PKD2: variants seen among roughly 807,000 people sequenced by gnomAD.
PKD2 encodes the protein polycystin-2.
A neutral mutation model predicts 105.9 loss-of-function variants in PKD2; 48 were observed. That is an observed-to-expected ratio of 0.45 (90% confidence interval 0.36 to 0.58). PKD2 has a LOEUF of 0.58. Among genes scored for constraint, PKD2 ranks in the 20% least tolerant of loss-of-function variants. PKD2 has a pLI of 0.00. For synonymous variants in PKD2, 464 were observed against 481.1 expected, an observed-to-expected ratio of 0.96 and a Z score of 0.46; for missense variants, 1,078 against 1,255.3, an observed-to-expected ratio of 0.86 and a Z score of 2.13.
chr4:88,066,965 C>T (rs1440755106), intron 12 of PKD2, among the ~76,000 whole-genome samples: 1 of 152,108 alleles, frequency 6.6e-6, no homozygotes, highest in Non-Finnish European at 1.5e-5. Context: ...GAAATTTAAG[C>T]ATAAAGAAAA....
intron 4 of PKD2, among the ~76,000 whole-genome samples, chr4:88,038,751 A>G (rs565467668): frequency 1.3e-5 from 2 of 152,310 alleles, no homozygotes; most frequent in South Asian, 2.1e-4. Flanking sequence ...ATAACCCCTC[A>G]AAAATTAATT....
intron 1 of PKD2, among the ~76,000 whole-genome samples, chr4:88,018,932 C>G (rs910024925): frequency 2.0e-5 from 3 of 152,080 alleles, no homozygotes; most frequent in African/African-American, 7.2e-5. Context: ...GTTTTTATGC[C>G]AGTAGGTTAG....
intron 8 of PKD2, 49 bp downstream of exon 8, chr4:88,056,316 G>A: frequency 1.8e-6 from 2 of 1,140,730 alleles, no homozygotes; most frequent in African/African-American, 1.5e-5. Context: ...AGTTGTCACT[G>A]CTTCTCAAGA....
chr4:88,052,672 A>C (rs914809615), intron 7 of PKD2, among the ~76,000 whole-genome samples: 6 of 152,092 alleles, frequency 3.9e-5, no homozygotes, highest in African/African-American at 7.2e-5. Context: ...ATCAGTCCCT[A>C]TAGGTTTTGT....
At chr4:88,021,929 C>T (rs1179536428) in intron 2 of PKD2, among the ~76,000 whole-genome samples, 1 of 152,224 alleles carries the variant, frequency 6.6e-6, no homozygotes, top group Non-Finnish European at 1.5e-5. Context: ...GAGTAACTCC[C>T]ATGATGGAAA....
At chr4:88,024,993 C>T (rs1726902605) in intron 2 of PKD2, among the ~76,000 whole-genome samples, 4 of 151,984 alleles carry the variant, frequency 2.6e-5, no homozygotes, top group Admixed American at 2.0e-4. Context: ...ACTAGCCAGG[C>T]GTGGTGGCAG....
chr4:88,043,429 G>A lies in PKD2; in HGVS notation c.1291G>A (p.Ala431Thr), dbSNP rs759189075. 3.7e-6 allele frequency: 6 copies of A among 1,613,068 alleles called. No individual in the cohort carries two copies. The highest frequency in any genetic ancestry group is 1.1e-5 in the South Asian group (1 of 91,074). The change falls in exon 5 of 15, where the codon GCC (alanine) becomes ACC (threonine). Residue 431 changes from alanine (A) to threonine (T), a missense_variant. Physicochemically the swap from Ala to Thr is moderately conservative, Grantham distance 58. This residue lies in a region of PKD2 where 868 missense variants were observed against 1,067.3 expected (regional missense o/e 0.81). Transcript: ENST00000237596. ...TTTTATTGACTTCTCAGTGTACAAC[G>A]CCAACATTAACCTGTTCTGTGTGGT... ...ATFIDFSVYN[A>T]NINLFCVVRL...
At chr4:88,071,140 C>T (rs1245478210) in intron 13 of PKD2, among the ~76,000 whole-genome samples, 4 of 152,000 alleles carry the variant, frequency 2.6e-5, no homozygotes, top group Non-Finnish European at 4.4e-5. Flanking sequence ...ACTGCAGCCT[C>T]GAACTCCTGA....
At chr4:88,068,959 C>A (rs1313720453) in intron 13 of PKD2, among the ~76,000 whole-genome samples, 1 of 152,096 alleles carries the variant, frequency 6.6e-6, no homozygotes, top group Admixed American at 6.6e-5. Context: ...AGTATATTTT[C>A]CTAATATATT....
At chr4:88,036,676 C>T (rs576223220) in intron 3 of PKD2, among the ~76,000 whole-genome samples, 4 of 152,258 alleles carry the variant, frequency 2.6e-5, no homozygotes, top group African/African-American at 9.6e-5. Context: ...TGTTTAAATG[C>T]GTATGGTCAC....
intron 10 of PKD2, among the ~76,000 whole-genome samples, chr4:88,063,745 A>G (rs1387203751): frequency 6.6e-6 from 1 of 152,116 alleles, no homozygotes; most frequent in African/African-American, 2.4e-5. Flanking sequence ...AACTTAAATG[A>G]GGAAAATAGC....
At chr4:88,070,492 A>G (rs567213215) in intron 13 of PKD2, among the ~76,000 whole-genome samples, 3 of 150,238 alleles carry the variant, frequency 2.0e-5, no homozygotes, top group South Asian at 4.2e-4. Context: ...ATGTATCTTC[A>G]AGTTCACTGA....
chr4:88,075,772 A>G lies in PKD2; in HGVS notation c.*78A>G. 1.0e-6 allele frequency: 1 copy of G among 956,100 alleles called. No individual in the cohort carries two copies. Among genetic ancestry groups the G allele is most frequent in the South Asian group, 1.3e-5 (1 of 77,682 alleles). 59.2% of individuals were successfully genotyped at this position (956,100 alleles called of 1,614,324 possible). On this transcript the variant is annotated 3_prime_UTR_variant, in exon 15 of 15. Transcript: ENST00000237596. ...AATTGCTGTAACAAGCACACTATTT[A>G]TATGCCCTGACCACCATAGGATGCT...
At position 88,065,472 on chromosome 4, in the gene PKD2, C is replaced by T. The variant is rs759921495; in HGVS notation, c.2217C>T (p.Asp739=). Residue 739 remains aspartate, a synonymous_variant, in exon 11 of 15, where the codon GAC becomes GAT. Transcript: ENST00000237596. ...LRQGGGKLNF[D]ELRQDLKGKG... is the part of the protein sequence containing the mutation. ...AAGGAGGAGGCAAGTTAAACTTTGA[C>T]GAACTTCGACAAGATCTCAAAGGGT... 1.3e-5 allele frequency: 21 copies of T among 1,613,558 alleles called. No homozygotes were observed. The highest frequency in any genetic ancestry group is 4.5e-5 in the East Asian group (2 of 44,864).
At position 88,074,823 on chromosome 4, in the gene PKD2, G is replaced by A. The variant is rs755031837; in HGVS notation, c.2534G>A (p.Arg845Gln). ...SYEEFQVLVR[R>Q]VDRMEHSIGS... ...TGTTTTCCTTGCAGCCTGGTGAGACGAGTGGACCGGATGGAGCATTCCATC... is the reference window on the plus strand; with the variant it reads ...TGTTTTCCTTGCAGCCTGGTGAGACAAGTGGACCGGATGGAGCATTCCATC... Residue 845 changes from arginine to glutamine, a missense_variant, in exon 14 of 15, where the codon CGA (arginine) becomes CAA (glutamine). Transcript: ENST00000237596. The A allele has an allele frequency of 8.1e-6, 13 of 1,613,924 alleles. No homozygotes were observed. Among genetic ancestry groups the A allele is most frequent in the South Asian group, 1.1e-5 (1 of 91,070 alleles).
chr4:88,070,601 T>TATAGAGAGAG lies in PKD2; in HGVS notation c.2522+2541_2522+2542insTAGAGAGAGA, dbSNP rs1313482750. Reference sequence around the variant, plus strand: ...ATATATATATATATATATATATATATAGAGAGAGAGAGAGAGAGAGAGAGA... The same window carrying TATAGAGAGAG: ...ATATATATATATATATATATATATATATAGAGAGAGAGAGAGAGAGAGAGAGAGAGAGAGA... On this transcript the variant is annotated intron_variant, in intron 13 of 14. Coordinates refer to ENST00000237596, the MANE Select transcript of PKD2 (RefSeq NM_000297.4). Among the ~76,000 whole-genome samples, 751 of 91,408 alleles carry TATAGAGAGAG rather than the reference T, an allele frequency of 8.2e-3. 5 individuals carry two copies. Among genetic ancestry groups the TATAGAGAGAG allele is most frequent in the Non-Finnish European group, 0.011 (534 of 47,726 alleles). 60.0% of individuals were successfully genotyped at this position (91,408 alleles called of 152,430 possible). A position where few individuals can be genotyped will look rare whatever the true frequency, so the allele number is the denominator to read the frequency against.
At chr4:88,054,260 G>A (rs1004133888) in intron 7 of PKD2, among the ~76,000 whole-genome samples, 42 of 152,008 alleles carry the variant, frequency 2.8e-4, no homozygotes, top group Admixed American at 2.4e-3. Flanking sequence ...AATTAGCTGG[G>A]TGTGGTGGCA....
intron 13 of PKD2, among the ~76,000 whole-genome samples, chr4:88,070,601 T>TAGAGAG (rs1223785807): frequency 0.021 from 1,960 of 91,330 alleles, 24 homozygotes; most frequent in Non-Finnish European, 0.03. Flanking sequence ...TATATATATA[T>TAGAGAG]AGAGAGAGAG....
chr4:88,016,399 A>G (rs1726563762), intron 1 of PKD2, among the ~76,000 whole-genome samples: 1 of 152,210 alleles, frequency 6.6e-6, no homozygotes, highest in Non-Finnish European at 1.5e-5. Context: ...TATGGGAAAG[A>G]CAACAGTTGA....
Sources: allele counts gnomAD v4.1 joint callset (sites outside exome capture counted in the v4.1 genomes callset), GRCh38; gene constraint gnomAD v4.1.1; regional missense constraint gnomAD v4.1.1; transcripts MANE v1.5; gene names NCBI Gene and HGNC (gene_info 2026-07-23, HGNC 2026-07-21).